The following ANO3 variants were observed in gnomAD, a reference collection of about 807,000 sequenced individuals.
The protein encoded by ANO3 is anoctamin-3.
In ANO3, 99 loss-of-function variants were observed where a neutral mutation model predicts 144.8. That is an observed-to-expected ratio of 0.68 (90% CI 0.58 to 0.81). The LOEUF (loss-of-function observed/expected upper bound fraction) is 0.81, where lower values mean the gene tolerates loss of function less well. ANO3 is among the 30% of genes least tolerant of loss of function. The pLI is 0.00. For missense variants in ANO3, 905 were observed against 1,202.2 expected (o/e 0.75, Z 3.66); for synonymous variants, 414 against 392.6 (o/e 1.05, Z -0.64).
intron 1 of ANO3, among the ~76,000 whole-genome samples, chr11:26,365,326 T>G (rs549886270): frequency 6.6e-6 from 1 of 152,314 alleles, no homozygotes; most frequent in South Asian, 2.1e-4. Flanking sequence ...AGGTGTAGGT[T>G]GCAAGCTGCC....
intron 14 of ANO3, among the ~76,000 whole-genome samples, chr11:26,575,157 A>G (rs886670553): frequency 3.9e-5 from 6 of 152,068 alleles, no homozygotes; most frequent in African/African-American, 1.4e-4. Flanking sequence ...TTGTAACAAT[A>G]TAAAATATGA....
rs201093158 is a variant in ANO3 at position 26,553,219 on chromosome 11, G to GTTTTTTTTTTTTT, written c.1290-26_1290-25insTTTTTTTTTTTTT. On this transcript the variant is annotated intron_variant, in intron 12 of 26. Coordinates refer to ENST00000256737, the MANE Select transcript of ANO3 (RefSeq NM_031418.4). ...TAGTCACAGTTTCATGCTATGTTTT[G>GTTTTTTTTTTTTT]TTTTGTTTTTGTTTTTGTTTTTTCT... 5.8e-5 allele frequency: 69 copies of GTTTTTTTTTTTTT among 1,198,702 alleles called. 1 individual carries two copies. Among genetic ancestry groups the GTTTTTTTTTTTTT allele is most frequent in the South Asian group, 1.7e-4 (13 of 76,304 alleles). The allele number at this position is 1,198,702 out of a possible 1,614,324, so 74.3% of individuals were successfully genotyped here.
intron 5 of ANO3, among the ~76,000 whole-genome samples, chr11:26,514,471 T>A (rs1351933787): frequency 6.6e-6 from 1 of 152,106 alleles, no homozygotes; most frequent in Non-Finnish European, 1.5e-5. Context: ...ATTTTCCAGA[T>A]GAGAAAACTG....
rs1327599447 is a variant in ANO3, at chr11:26,283,317, AATAAATATAT to A, written c.155-26324_155-26315del. Among the ~76,000 whole-genome samples, 764 of 77,522 alleles carry A rather than the reference AATAAATATAT, an allele frequency of 9.9e-3. 11 individuals are homozygous for A. Among genetic ancestry groups the A allele is most frequent in the African/African-American group, 0.024 (596 of 24,588 alleles). 50.9% of individuals were successfully genotyped at this position (77,522 alleles called of 152,430 possible). A position where few individuals can be genotyped will look rare whatever the true frequency, so the allele number is the denominator to read the frequency against. On this transcript the variant is annotated intron_variant, in intron 1 of 27. Transcript: ENST00000672621. ...CATATCTTACCAAAATAAACAAATA[AATAAATATAT>A]ATATATATATATATATATATATATA... is the stretch of plus-strand genomic sequence containing the variant.
At chr11:26,208,304 G>A (rs4390306) in intron 1 of ANO3, 45,873 of 151,866 alleles carry the variant, frequency 0.3, 7,661 homozygotes, top group Non-Finnish European at 0.37. Context: ...GAGGTCAGGA[G>A]ATCGAGACCA....
intron 26 of ANO3, among the ~76,000 whole-genome samples, chr11:26,659,817 T>C (rs1428489607): frequency 6.6e-6 from 1 of 152,142 alleles, no homozygotes; most frequent in African/African-American, 2.4e-5. Context: ...GAAAAATGCA[T>C]TTTCTGAGTT....
chr11:26,656,049 C>T, intron 24 of ANO3, 76 bp from the exon 25 acceptor site: 2 of 1,171,950 alleles, frequency 1.7e-6, no homozygotes, highest in Non-Finnish European at 2.5e-6. Context: ...TTGTAAAATC[C>T]TGGCATTTGT....
At chr11:26,504,146 C>CA (rs1168292401) in intron 4 of ANO3, among the ~76,000 whole-genome samples, 4 of 152,066 alleles carry the variant, frequency 2.6e-5, no homozygotes, top group African/African-American at 4.8e-5. Flanking sequence ...AGATATAAAG[C>CA]AAAAAAGCAA....
intron 1 of ANO3, among the ~76,000 whole-genome samples, chr11:26,347,910 C>G (rs1855536127): frequency 6.6e-6 from 1 of 152,176 alleles, no homozygotes; most frequent in African/African-American, 2.4e-5. Context: ...AGAAAAGGGT[C>G]CTGGCCCAAG....
chr11:26,253,480 T>A (rs1207166193), intron 1 of ANO3, among the ~76,000 whole-genome samples: 1 of 151,300 alleles, frequency 6.6e-6, no homozygotes, highest in African/African-American at 2.4e-5. Flanking sequence ...GGTGATGAAA[T>A]AATCTGTACA....
chr11:26,365,984 A>T (rs1221034569), intron 1 of ANO3, among the ~76,000 whole-genome samples: 145 of 1,492 alleles, frequency 0.097, 4 homozygotes, highest in Middle Eastern at 0.5. Context: ...ATATATATAT[A>T]TATATATATA....
At chr11:26,644,924 T>G (rs1853295203) in intron 23 of ANO3, among the ~76,000 whole-genome samples, 1 of 152,094 alleles carries the variant, frequency 6.6e-6, no homozygotes, top group African/African-American at 2.4e-5. Flanking sequence ...GAGATGCTGG[T>G]TTTCAATTTA....
At chr11:26,404,975 GTGTGTC>G (rs1486569612) in intron 1 of ANO3, among the ~76,000 whole-genome samples, 2 of 104,938 alleles carry the variant, frequency 1.9e-5, no homozygotes, top group East Asian at 2.8e-4. Flanking sequence ...GTGTGTGTGT[GTGTGTC>G]TATATATCTA....
At chr11:26,630,319 C>T (rs892203883) in intron 18 of ANO3, among the ~76,000 whole-genome samples, 6 of 152,194 alleles carry the variant, frequency 3.9e-5, no homozygotes, top group African/African-American at 1.4e-4. Context: ...TCTTCACTGG[C>T]ATTTCTCACA....
intron 1 of ANO3, among the ~76,000 whole-genome samples, chr11:26,359,524 T>G (rs1281406329): frequency 1.3e-5 from 2 of 152,004 alleles, no homozygotes. Flanking sequence ...TCTGACAACT[T>G]AAGGGGACCT....
At chr11:26,226,003 T>C (rs1467024427) in intron 1 of ANO3, among the ~76,000 whole-genome samples, 1 of 152,164 alleles carries the variant, frequency 6.6e-6, no homozygotes, top group Admixed American at 6.6e-5. Context: ...TGCTCACCTG[T>C]TAAGTACCCC....
intron 1 of ANO3, among the ~76,000 whole-genome samples, chr11:26,397,120 C>A (rs1857036002): frequency 6.6e-6 from 1 of 151,990 alleles, no homozygotes; most frequent in African/African-American, 2.4e-5. Flanking sequence ...CTATTGTCAT[C>A]AGTTACACAT....
chr11:26,324,176 GA>G (rs548378446), intron 1 of ANO3, among the ~76,000 whole-genome samples: 266 of 152,252 alleles, frequency 1.7e-3, no homozygotes, highest in Non-Finnish European at 2.6e-3. Flanking sequence ...GAGGCTAACT[GA>G]AAAATGTAAA....
At chr11:26,353,956 C>T (rs910625890) in intron 1 of ANO3, among the ~76,000 whole-genome samples, 8 of 152,186 alleles carry the variant, frequency 5.3e-5, no homozygotes, top group African/African-American at 1.9e-4. Context: ...AAATTGAAAT[C>T]ATTGCCTGAC....
Sources: allele counts gnomAD v4.1 joint callset (sites outside exome capture counted in the v4.1 genomes callset), GRCh38; gene constraint gnomAD v4.1.1; transcripts MANE v1.5; gene names NCBI Gene and HGNC (gene_info 2026-07-23, HGNC 2026-07-21).